Variants in CHCHD6 observed in about 807,000 individuals in gnomAD.
CHCHD6 encodes coiled-coil-helix-coiled-coil-helix domain containing 6.
A neutral mutation model predicts 32.3 loss-of-function variants in CHCHD6; 28 were observed. That is an observed-to-expected ratio of 0.87 (90% CI 0.64 to 1.19). The LOEUF is 1.19. Ranked by LOEUF, CHCHD6 falls within the 50% of genes most tolerant of loss-of-function variation. The pLI, the probability that CHCHD6 is intolerant of heterozygous loss-of-function variation, is 0.00. For synonymous variants in CHCHD6, 122 were observed against 117.5 expected (o/e 1.04, Z -0.25); for missense variants, 333 against 307.0 (o/e 1.08, Z -0.63).
chr3:126,751,697 G>A lies in CHCHD6; in HGVS notation c.411+18475G>A, dbSNP rs756212512. On this transcript the variant is annotated intron_variant, in intron 4 of 7. Coordinates refer to ENST00000290913, the MANE Select transcript of CHCHD6 (RefSeq NM_032343.3). ...CTAGCAGCTAGGATTGGAGGCTGCCGCAGCATGGTGTGAATTCAGGAGCCG... is the reference window on the plus strand; with the variant it reads ...CTAGCAGCTAGGATTGGAGGCTGCCACAGCATGGTGTGAATTCAGGAGCCG... Among the ~76,000 whole-genome samples the A allele has an allele frequency of 4.6e-5, 7 of 152,176 alleles. 1 individual carries two copies. The Middle Eastern group carries it at 0.014, about 296-fold the overall frequency.
In CHCHD6 at chr3:126,960,230, G is replaced by A. The variant is rs1310271601; in HGVS notation, c.*29G>A. On this transcript the variant is annotated 3_prime_UTR_variant, in exon 8 of 8. Coordinates refer to ENST00000290913, the MANE Select transcript of CHCHD6 (RefSeq NM_032343.3). Reference sequence around the variant, plus strand: ...GCAGACATCATTCCCTGCCCTGGCAGTGACTTGGAGCCCTGAAGAAGGGAC... The same window carrying A: ...GCAGACATCATTCCCTGCCCTGGCAATGACTTGGAGCCCTGAAGAAGGGAC... 3 of 1,551,154 alleles carry A rather than the reference G, an allele frequency of 1.9e-6. No homozygotes were observed. The highest frequency in any genetic ancestry group is 2.7e-5 in the African/African-American group (2 of 73,048).
intron 6 of CHCHD6, among the ~76,000 whole-genome samples, chr3:126,939,825 A>G (rs1576628500): frequency 6.6e-6 from 1 of 152,322 alleles, no homozygotes; most frequent in Admixed American, 6.5e-5. Flanking sequence ...CAGTCAAAAA[A>G]TATTCGTTGA....
chr3:126,807,869 C>G (rs1335259247), intron 4 of CHCHD6, among the ~76,000 whole-genome samples: 2 of 152,154 alleles, frequency 1.3e-5, no homozygotes, highest in Non-Finnish European at 1.5e-5. Context: ...GCCACATGGT[C>G]TCTATTGCAG....
At chr3:126,882,149 G>C (rs78480338) in intron 5 of CHCHD6, among the ~76,000 whole-genome samples, 3 of 152,132 alleles carry the variant, frequency 2.0e-5, no homozygotes, top group African/African-American at 7.2e-5. Context: ...CTGCCGTCAG[G>C]GGCGTCTGCC....
intron 4 of CHCHD6, among the ~76,000 whole-genome samples, chr3:126,806,266 C>T (rs1369770049): frequency 3.3e-5 from 5 of 152,076 alleles, no homozygotes; most frequent in Non-Finnish European, 7.3e-5. Context: ...GAACAGACAA[C>T]CTAAAAAATG....
chr3:126,851,794 G>A (rs1057279388), intron 4 of CHCHD6, among the ~76,000 whole-genome samples: 7 of 152,218 alleles, frequency 4.6e-5, no homozygotes, highest in Admixed American at 1.3e-4. Context: ...GCCCACTTCT[G>A]TTGGGGTTTC....
At chr3:126,939,475 AGCCTGTGTGT>A (rs2078528443) in intron 6 of CHCHD6, among the ~76,000 whole-genome samples, 1 of 152,184 alleles carries the variant, frequency 6.6e-6, no homozygotes, top group Non-Finnish European at 1.5e-5. Flanking sequence ...TGTGTCTTTT[AGCCTGTGTGT>A]GTTTGTGTGT....
rs139409202 is a variant in CHCHD6, at chr3:126,949,815, A to G, written c.567-7601A>G. 364 of 163,732 alleles carry G rather than the reference A, an allele frequency of 2.2e-3. 1 individual carries two copies. Among genetic ancestry groups the G allele is most frequent in the African/African-American group, 7.9e-3 (331 of 41,684 alleles). 10.1% of individuals were successfully genotyped at this position (163,732 alleles called of 1,614,324 possible). ...ACACAGAATTATCATGGATGGAAGG[A>G]AAGCTGCACAGAGGAATGTTAATGA... On this transcript the variant is annotated intron_variant, in intron 6 of 7. Transcript: ENST00000290913.
At chr3:126,863,936 TCTCCACCATCACCACCTCCTC>T (rs1354998136) in intron 5 of CHCHD6, among the ~76,000 whole-genome samples, 5 of 30,530 alleles carry the variant, frequency 1.6e-4, no homozygotes, top group South Asian at 1.6e-3. Flanking sequence ...ACCTCCTCCT[TCTCCACCATCACCACCTCCTC>T]CTCCACCATC....
chr3:126,779,012 C>A (rs1442073638), intron 4 of CHCHD6, among the ~76,000 whole-genome samples: 8 of 151,198 alleles, frequency 5.3e-5, no homozygotes, highest in Non-Finnish European at 1.2e-4. Context: ...GGCAATGCCT[C>A]CCAAAGGATT....
At chr3:126,722,956 G>T (rs1400624828) in intron 1 of CHCHD6, among the ~76,000 whole-genome samples, 1 of 152,066 alleles carries the variant, frequency 6.6e-6, no homozygotes, top group South Asian at 2.1e-4. Flanking sequence ...TTAGGTCTCG[G>T]ATCTGTTTTG....
At chr3:126,928,040 G>A (rs548013436) in intron 6 of CHCHD6, among the ~76,000 whole-genome samples, 1 of 152,344 alleles carries the variant, frequency 6.6e-6, no homozygotes, top group Admixed American at 6.5e-5. Context: ...GGGGTAGGAA[G>A]TTGTTCATTG....
intron 4 of CHCHD6, among the ~76,000 whole-genome samples, chr3:126,827,735 G>A (rs1022143324): frequency 6.6e-6 from 1 of 152,188 alleles, no homozygotes; most frequent in African/African-American, 2.4e-5. Flanking sequence ...AAAAGATATA[G>A]ATGAATGGTT....
chr3:126,846,842 A>G (rs1320414489), intron 4 of CHCHD6, among the ~76,000 whole-genome samples: 2 of 151,978 alleles, frequency 1.3e-5, no homozygotes, highest in East Asian at 1.9e-4. Context: ...GTGTGTGTGT[A>G]TGTGTATGTG....
intron 4 of CHCHD6, among the ~76,000 whole-genome samples, chr3:126,745,284 G>A (rs72978828): frequency 0.027 from 4,144 of 152,252 alleles, 137 homozygotes; most frequent in East Asian, 0.16. Flanking sequence ...CCCAGCGTCC[G>A]GACTCTGTTA....
chr3:126,783,896 T>C (rs1938071450), intron 4 of CHCHD6, among the ~76,000 whole-genome samples: 1 of 152,176 alleles, frequency 6.6e-6, no homozygotes, highest in South Asian at 2.1e-4. Context: ...GAGATTGTCC[T>C]TGTTAAGGAA....
intron 6 of CHCHD6, among the ~76,000 whole-genome samples, chr3:126,929,032 T>C (rs750403209): frequency 2.0e-5 from 3 of 152,250 alleles, no homozygotes; most frequent in Non-Finnish European, 2.9e-5. Flanking sequence ...GGGCTGACTC[T>C]TGGGAGCTTC....
chr3:126,889,733 T>C (rs1290289413), intron 5 of CHCHD6, among the ~76,000 whole-genome samples: 1 of 152,226 alleles, frequency 6.6e-6, no homozygotes, highest in Non-Finnish European at 1.5e-5. Flanking sequence ...TTATACCTCC[T>C]TCCCAGAGTC....
intron 5 of CHCHD6, among the ~76,000 whole-genome samples, chr3:126,895,672 G>A (rs1477471045): frequency 6.6e-6 from 1 of 152,220 alleles, no homozygotes; most frequent in Non-Finnish European, 1.5e-5. Flanking sequence ...TTTTAGGCAT[G>A]GAAACAGAGC....
Sources: gnomAD v4.1 joint callset for allele counts (sites outside exome capture counted in the v4.1 genomes callset) on GRCh38, gnomAD v4.1.1 for gene constraint, MANE v1.5 for transcripts, NCBI Gene and HGNC (gene_info 2026-07-23, HGNC 2026-07-21) for gene names.